Variants in GRXCR2 observed in about 807,000 individuals in gnomAD.
GRXCR2 encodes the protein glutaredoxin domain-containing cysteine-rich protein 2.
In GRXCR2, 23 loss-of-function variants were observed where a neutral mutation model predicts 24.8. That is an observed-to-expected ratio of 0.93 (90% CI 0.67 to 1.32). The LOEUF is 1.32. Among genes scored for constraint, GRXCR2 ranks in the 40% most tolerant of loss-of-function variants. The pLI is 0.00. For missense variants in GRXCR2, 315 were observed against 303.4 expected (o/e 1.04, Z -0.28); for synonymous variants, 130 against 116.1 (o/e 1.12, Z -0.77).
intron 2 of GRXCR2, among the ~76,000 whole-genome samples, chr5:145,889,042 C>A (rs1478097726): frequency 6.6e-6 from 1 of 151,906 alleles, no homozygotes; most frequent in African/African-American, 2.4e-5. Context: ...GGCGTGGTGG[C>A]AGGCGCCTGT....
At chr5:145,866,427 G>C in intron 2 of GRXCR2, 74 bp downstream of exon 2, 1 of 1,009,462 alleles carries the variant, frequency 9.9e-7, no homozygotes, top group South Asian at 1.5e-5. Context: ...CTTAAGCAGT[G>C]CACAATCAAG....
intron 2 of GRXCR2, among the ~76,000 whole-genome samples, chr5:145,910,025 T>C (rs1385592889): frequency 1.3e-5 from 2 of 152,194 alleles, no homozygotes; most frequent in African/African-American, 2.4e-5. Flanking sequence ...CTCTTACTCA[T>C]TGGAACTGTC....
intron 2 of GRXCR2, among the ~76,000 whole-genome samples, chr5:145,893,337 C>T (rs1756898812): frequency 6.6e-6 from 1 of 152,040 alleles, no homozygotes; most frequent in African/African-American, 2.4e-5. Context: ...CACAGAATGG[C>T]AAATCGGATA....
intron 2 of GRXCR2, among the ~76,000 whole-genome samples, chr5:145,928,939 T>C (rs1757442279): frequency 6.6e-6 from 1 of 151,994 alleles, no homozygotes; most frequent in Admixed American, 6.6e-5. Context: ...ATACATTCAT[T>C]ATAGAACAAT....
At chr5:145,929,289 G>T (rs1757448627) in intron 2 of GRXCR2, among the ~76,000 whole-genome samples, 1 of 148,188 alleles carries the variant, frequency 6.7e-6, no homozygotes. Flanking sequence ...ACTTTTATAA[G>T]TAATGCTATA....
chr5:145,887,951 T>C (rs1247010397), intron 2 of GRXCR2, among the ~76,000 whole-genome samples: 1 of 152,258 alleles, frequency 6.6e-6, no homozygotes, highest in Non-Finnish European at 1.5e-5. Flanking sequence ...TAGTATTTTA[T>C]ATCAATTACT....
rs115251006 is a variant in GRXCR2, at chr5:145,881,718, C to T, written c.-69-14990G>A. The stretch of plus-strand genomic sequence containing the variant: ...AAAGACCCCACATTGTCAAGACAAT[C>T]GTAAGCAAAAAGAACAAAACTGGAG... On this transcript the variant is annotated intron_variant, in intron 2 of 3. Transcript: ENST00000639411. Among the ~76,000 whole-genome samples the T allele has an allele frequency of 3.0e-3, 451 of 152,298 alleles. 2 individuals are homozygous for T. Among genetic ancestry groups the T allele is most frequent in the African/African-American group, 0.011 (437 of 41,556 alleles).
At chr5:145,865,321 T>C (rs1246388128) in intron 2 of GRXCR2, among the ~76,000 whole-genome samples, 1 of 152,102 alleles carries the variant, frequency 6.6e-6, no homozygotes, top group African/African-American at 2.4e-5. Context: ...AATTGCTTCC[T>C]CCACCCCCAA....
chr5:145,878,496 A>G (rs1322660748), intron 2 of GRXCR2, among the ~76,000 whole-genome samples: 1 of 152,192 alleles, frequency 6.6e-6, no homozygotes. Context: ...AAGGTTAGAG[A>G]AAAAAGAGTA....
intron 2 of GRXCR2, among the ~76,000 whole-genome samples, chr5:145,888,992 G>A (rs1034251034): frequency 2.6e-5 from 4 of 152,044 alleles, no homozygotes; most frequent in Admixed American, 2.6e-4. Context: ...TAGCCAACAT[G>A]GTGAAACCCT....
chr5:145,925,909 C>T (rs1239555796), intron 2 of GRXCR2, among the ~76,000 whole-genome samples: 1 of 151,996 alleles, frequency 6.6e-6, no homozygotes, highest in African/African-American at 2.4e-5. Flanking sequence ...AGACATCTTG[C>T]ACTAATCAGA....
At chr5:145,868,572 G>A (rs1247832964) in intron 1 of GRXCR2, among the ~76,000 whole-genome samples, 2 of 152,180 alleles carry the variant, frequency 1.3e-5, no homozygotes, top group African/African-American at 4.8e-5. Flanking sequence ...AATATCAGAA[G>A]ATAAGGATGG....
intron 2 of GRXCR2, among the ~76,000 whole-genome samples, chr5:145,899,513 A>G (rs1756996714): frequency 1.3e-5 from 2 of 152,190 alleles, no homozygotes. Flanking sequence ...AAACTATACT[A>G]TAAGGCTGCA....
chr5:145,918,988 G>A (rs189509899), intron 2 of GRXCR2, among the ~76,000 whole-genome samples: 40 of 152,282 alleles, frequency 2.6e-4, no homozygotes, highest in African/African-American at 9.1e-4. Flanking sequence ...TGGACTCTGA[G>A]CTACTAAGTT....
chr5:145,901,174 G>T (rs1757018250), intron 2 of GRXCR2, among the ~76,000 whole-genome samples: 1 of 151,806 alleles, frequency 6.6e-6, no homozygotes. Context: ...GGGGGCAAGA[G>T]TTGAAAAAAT....
chr5:145,912,874 G>C (rs1201879180), intron 2 of GRXCR2, among the ~76,000 whole-genome samples: 5 of 152,116 alleles, frequency 3.3e-5, no homozygotes, highest in Admixed American at 6.5e-5. Context: ...GCTCATGCGG[G>C]CCTGGTATAG....
intron 2 of GRXCR2, among the ~76,000 whole-genome samples, chr5:145,923,142 T>C (rs1465956863): frequency 6.6e-6 from 1 of 152,140 alleles, no homozygotes; most frequent in Non-Finnish European, 1.5e-5. Flanking sequence ...ATCTCCAGGG[T>C]TTCTGATTCA....
chr5:145,926,164 C>G (rs1036199057), intron 2 of GRXCR2, among the ~76,000 whole-genome samples: 1 of 152,056 alleles, frequency 6.6e-6, no homozygotes, highest in African/African-American at 2.4e-5. Context: ...TTATCACTTA[C>G]TTTTCTTTAG....
intron 2 of GRXCR2, among the ~76,000 whole-genome samples, chr5:145,930,838 C>T (rs531644422): frequency 1.3e-5 from 2 of 152,190 alleles, no homozygotes; most frequent in African/African-American, 4.8e-5. Flanking sequence ...CTATTATATA[C>T]ATCATCTCAA....
Sources: allele counts gnomAD v4.1 joint callset (sites outside exome capture counted in the v4.1 genomes callset), GRCh38; gene constraint gnomAD v4.1.1; transcripts MANE v1.5; gene names NCBI Gene and HGNC (gene_info 2026-07-23, HGNC 2026-07-21).